Variants in EFCAB6 observed in about 807,000 individuals in gnomAD.
EFCAB6 encodes EF-hand calcium-binding domain-containing protein 6.
In EFCAB6, 156 loss-of-function variants were observed where a neutral mutation model predicts 169.8. The ratio of observed to expected loss-of-function variants is 0.92; its 90% confidence interval spans 0.81 to 1.05. The LOEUF is 1.05. Ranked by LOEUF, EFCAB6 falls within the 50% of genes least tolerant of loss-of-function variation. The probability of loss-of-function intolerance (pLI) is 0.00; values close to 1 mark genes in which losing one functional copy is unlikely to be tolerated. For synonymous variants in EFCAB6, 698 were observed against 676.4 expected (o/e 1.03, Z -0.50); for missense variants, 1,800 against 1,829.1 (o/e 0.98, Z 0.29).
intron 17 of EFCAB6, among the ~76,000 whole-genome samples, chr22:43,644,097 T>A (rs2055990524): frequency 6.6e-6 from 1 of 152,248 alleles, no homozygotes; most frequent in East Asian, 1.9e-4. Context: ...TTGCTGGGAT[T>A]CCAGGCGTGG....
intron 17 of EFCAB6, among the ~76,000 whole-genome samples, chr22:43,653,688 G>A (rs368758924): frequency 2.6e-5 from 4 of 152,192 alleles, no homozygotes; most frequent in African/African-American, 9.6e-5. Flanking sequence ...CCAGAAACTG[G>A]TAGGGATACC....
chr22:43,805,521 T>G (rs2062887186), intron 2 of EFCAB6, among the ~76,000 whole-genome samples: 1 of 151,992 alleles, frequency 6.6e-6, no homozygotes, highest in Admixed American at 6.5e-5. Context: ...AAAGATAGAG[T>G]AAACTGGTGG....
chr22:43,668,139 C>T (rs570746021), intron 16 of EFCAB6, among the ~76,000 whole-genome samples: 1 of 152,264 alleles, frequency 6.6e-6, no homozygotes, highest in South Asian at 2.1e-4. Context: ...TACTGAAAAG[C>T]CCAGGTATTC....
intron 25 of EFCAB6, among the ~76,000 whole-genome samples, chr22:43,576,869 A>G (rs1330285675): frequency 6.6e-6 from 1 of 152,168 alleles, no homozygotes; most frequent in African/African-American, 2.4e-5. Flanking sequence ...CTTGACCCTT[A>G]CATTCTACTT....
chr22:43,678,616 TCCA>T (rs2057876534), intron 12 of EFCAB6, among the ~76,000 whole-genome samples: 1 of 152,180 alleles, frequency 6.6e-6, no homozygotes, highest in Non-Finnish European at 1.5e-5. Context: ...GAGTGTTTTC[TCCA>T]CCAACAGTCT....
chr22:43,623,017 G>C (rs1055152653), intron 20 of EFCAB6, among the ~76,000 whole-genome samples: 1 of 152,244 alleles, frequency 6.6e-6, no homozygotes, highest in Non-Finnish European at 1.5e-5. Flanking sequence ...GAAAGGAAGA[G>C]ATTTCACAAT....
At chr22:43,725,416 C>T (rs552266721) in intron 8 of EFCAB6, among the ~76,000 whole-genome samples, 24 of 152,320 alleles carry the variant, frequency 1.6e-4, no homozygotes, top group Admixed American at 1.4e-3. Context: ...GCTGGGATTA[C>T]AGGCGTGACC....
At chr22:43,724,325 G>A (rs889833290) in intron 8 of EFCAB6, among the ~76,000 whole-genome samples, 1 of 149,620 alleles carries the variant, frequency 6.7e-6, no homozygotes, top group African/African-American at 2.5e-5. Context: ...CTCAGACCTT[G>A]TCAGAATGGT....
chr22:43,654,014 A>C (rs928134441), intron 17 of EFCAB6, among the ~76,000 whole-genome samples: 2 of 152,214 alleles, frequency 1.3e-5, no homozygotes, highest in African/African-American at 4.8e-5. Flanking sequence ...CTTGTTTTAG[A>C]AAAAGATCAA....
intron 2 of EFCAB6, among the ~76,000 whole-genome samples, chr22:43,789,387 G>A (rs549203186): frequency 7.9e-5 from 12 of 152,256 alleles, no homozygotes; most frequent in South Asian, 2.1e-4. Flanking sequence ...CGTTGCTTCC[G>A]TGGGCACCTT....
intron 23 of EFCAB6, among the ~76,000 whole-genome samples, chr22:43,594,660 G>A (rs1376666051): frequency 6.6e-6 from 1 of 152,144 alleles, no homozygotes; most frequent in Non-Finnish European, 1.5e-5. Flanking sequence ...TATCTAAAAG[G>A]AGAGCTAGAT....
At chr22:43,592,440 T>C (rs555847295) in intron 23 of EFCAB6, among the ~76,000 whole-genome samples, 1 of 152,298 alleles carries the variant, frequency 6.6e-6, no homozygotes, top group Admixed American at 6.5e-5. Flanking sequence ...CAAATGAAGG[T>C]AGAAAAAAAT....
chr22:43,743,290 G>A (rs1045616314), intron 6 of EFCAB6, among the ~76,000 whole-genome samples: 4 of 152,126 alleles, frequency 2.6e-5, no homozygotes, highest in African/African-American at 9.7e-5. Context: ...CCACTGAAAG[G>A]CACATAACTG....
intron 23 of EFCAB6, among the ~76,000 whole-genome samples, chr22:43,593,730 T>G (rs1423985943): frequency 6.6e-6 from 1 of 152,160 alleles, no homozygotes; most frequent in East Asian, 1.9e-4. Flanking sequence ...CACTCATTCA[T>G]TCAGGTGCTA....
At chr22:43,770,448 G>A (rs2061435227) in intron 4 of EFCAB6, among the ~76,000 whole-genome samples, 1 of 152,196 alleles carries the variant, frequency 6.6e-6, no homozygotes, top group African/African-American at 2.4e-5. Context: ...AAAATTACTA[G>A]ACAAGAACTT....
intron 24 of EFCAB6, among the ~76,000 whole-genome samples, chr22:43,584,021 A>G (rs1324118027): frequency 6.6e-6 from 1 of 152,210 alleles, no homozygotes; most frequent in South Asian, 2.1e-4. Context: ...GATACTGAAC[A>G]ATATTTACAT....
intron 22 of EFCAB6, 105 bp downstream of exon 22, chr22:43,608,377 C>T: frequency 3.2e-6 from 3 of 928,352 alleles, no homozygotes; most frequent in East Asian, 5.0e-5. Context: ...GAAAATACTC[C>T]CAGCCCCCAG....
At chr22:43,637,791 A>C (rs1339365802) in intron 17 of EFCAB6, among the ~76,000 whole-genome samples, 1 of 152,222 alleles carries the variant, frequency 6.6e-6, no homozygotes, top group Non-Finnish European at 1.5e-5. Context: ...TTCAGGTAGA[A>C]AGCCGTGGCC....
At chr22:43,647,141 A>G (rs2056208450) in intron 17 of EFCAB6, among the ~76,000 whole-genome samples, 1 of 150,490 alleles carries the variant, frequency 6.6e-6, no homozygotes, top group South Asian at 2.1e-4. Context: ...AAAACATTCT[A>G]TACAAAAACA....
Sources: allele counts gnomAD v4.1 joint callset (sites outside exome capture counted in the v4.1 genomes callset), GRCh38; gene constraint gnomAD v4.1.1; transcripts MANE v1.5; gene names NCBI Gene and HGNC (gene_info 2026-07-23, HGNC 2026-07-21).